Variants in ZNF33B observed in about 807,000 individuals in gnomAD.
ZNF33B encodes the protein zinc finger protein 11b (KOX 2).
ZNF33B carries 29 observed loss-of-function variants against 45.8 expected under a neutral mutation model. That is an observed-to-expected ratio of 0.63 (90% CI 0.47 to 0.86). The LOEUF (loss-of-function observed/expected upper bound fraction) is 0.86. ZNF33B is among the 40% of genes least tolerant of loss of function. ZNF33B has a pLI of 0.00. For synonymous variants in ZNF33B, 305 were observed against 307.8 expected (o/e 0.99, Z 0.10); for missense variants, 831 against 909.9 (o/e 0.91, Z 1.12).
intron 4 of ZNF33B, among the ~76,000 whole-genome samples, chr10:42,605,639 A>C (rs941475686): frequency 6.6e-6 from 1 of 152,242 alleles, no homozygotes; most frequent in Non-Finnish European, 1.5e-5. Context: ...CAAACACTAG[A>C]TCAAATCCAC....
chr10:42,600,991 G>A lies in ZNF33B; in HGVS notation c.251-6292C>T, dbSNP rs1284331745. ...TGTCTTGTGATGCAGGTCTGCTGGA[G>A]AGGAAATCTTTCAGCTTTGTTTAAC... is the stretch of plus-strand genomic sequence containing the variant. On this transcript the variant is annotated intron_variant, in intron 4 of 4. Coordinates refer to ENST00000359467, the MANE Select transcript of ZNF33B (RefSeq NM_006955.3). Among the ~76,000 whole-genome samples the A allele has an allele frequency of 2.6e-5, 4 of 152,312 alleles. No homozygotes were observed. The South Asian group carries it at 8.3e-4, about 32-fold the overall frequency.
chr10:42,606,022 CAGG>C (rs1311040593), intron 4 of ZNF33B, among the ~76,000 whole-genome samples: 1 of 151,810 alleles, frequency 6.6e-6, no homozygotes, highest in Non-Finnish European at 1.5e-5. Flanking sequence ...TGTTTGAGTC[CAGG>C]AGGTTGAGGC....
chr10:42,627,008 C>CTTTTTTT (rs111639981), intron 4 of ZNF33B, among the ~76,000 whole-genome samples: 2,233 of 145,358 alleles, frequency 0.015, 67 homozygotes, highest in African/African-American at 0.053. Context: ...TGTCATTTTT[C>CTTTTTTT]TTTTTTTTTT....
chr10:42,580,348 C>A (rs1375843819), intron 1 of ZNF33B, among the ~76,000 whole-genome samples: 1 of 152,110 alleles, frequency 6.6e-6, no homozygotes, highest in African/African-American at 2.4e-5. Flanking sequence ...TCAAGCCATT[C>A]TCATCCCCTA....
chr10:42,594,415 T>G lies in ZNF33B; in HGVS notation c.535A>C (p.Asn179His), dbSNP rs757963758. 3 of 1,613,628 alleles carry G rather than the reference T, an allele frequency of 1.9e-6. No homozygotes were observed. Among genetic ancestry groups the G allele is most frequent in the Non-Finnish European group, 2.5e-6 (3 of 1,179,814 alleles). ...EFNACGKLLL[N>H]IKHDETHTRE... ...GTATGAGTTTCATCATGCTTAATAT[T>G]GAGTAACAATTTCCCACATGCATTA... Residue 179 changes from asparagine to histidine, a missense_variant, in exon 5 of 5, where the codon AAT (asparagine) becomes CAT (histidine). Asn to His is a moderately conservative substitution (Grantham distance 68). Transcript: ENST00000359467.
chr10:42,638,317 G>C (rs1286022047), intron 1 of ZNF33B, among the ~76,000 whole-genome samples, 157 bp downstream of exon 1: 1 of 152,282 alleles, frequency 6.6e-6, no homozygotes, highest in South Asian at 2.1e-4. Context: ...AGGAACTGGC[G>C]TAGCGTCCTG....
chr10:42,612,799 C>T (rs1201154744), intron 4 of ZNF33B, among the ~76,000 whole-genome samples: 1 of 152,144 alleles, frequency 6.6e-6, no homozygotes, highest in African/African-American at 2.4e-5. Context: ...TTAAATATTG[C>T]ACAGAAATCA....
chr10:42,619,783 AG>A (rs1439356442), intron 4 of ZNF33B, among the ~76,000 whole-genome samples: 3 of 152,328 alleles, frequency 2.0e-5, no homozygotes, highest in African/African-American at 4.8e-5. Context: ...TGAAGTTATG[AG>A]GGAATCAATT....
chr10:42,635,741 C>T (rs1839267757), intron 2 of ZNF33B, among the ~76,000 whole-genome samples: 1 of 147,432 alleles, frequency 6.8e-6, no homozygotes, highest in Admixed American at 6.9e-5. Flanking sequence ...ACCAGGGAAT[C>T]GGAGGTTGCA....
At chr10:42,610,861 G>A (rs1229792836) in intron 4 of ZNF33B, among the ~76,000 whole-genome samples, 3 of 152,116 alleles carry the variant, frequency 2.0e-5, no homozygotes, top group Non-Finnish European at 4.4e-5. Context: ...TCTTTAAAAA[G>A]AAGTAGAAAG....
intron 1 of ZNF33B, among the ~76,000 whole-genome samples, chr10:42,576,363 A>C (rs1352522022): frequency 6.6e-6 from 1 of 152,224 alleles, no homozygotes; most frequent in African/African-American, 2.4e-5. Flanking sequence ...AATATCAATA[A>C]AAATATGCAG....
intron 4 of ZNF33B, among the ~76,000 whole-genome samples, chr10:42,627,008 C>CT (rs111639981): frequency 0.077 from 11,115 of 145,282 alleles, 744 homozygotes; most frequent in African/African-American, 0.17. Context: ...TGTCATTTTT[C>CT]TTTTTTTTTT....
At chr10:42,614,512 A>T (rs1838231514) in intron 4 of ZNF33B, among the ~76,000 whole-genome samples, 1 of 152,268 alleles carries the variant, frequency 6.6e-6, no homozygotes, top group Non-Finnish European at 1.5e-5. Context: ...TGTTGCAAAC[A>T]TACCACCCTA....
chr10:42,617,296 G>T (rs2132114967), intron 4 of ZNF33B, among the ~76,000 whole-genome samples: 1 of 151,402 alleles, frequency 6.6e-6, no homozygotes, highest in East Asian at 2.0e-4. Flanking sequence ...TAGAGATGGG[G>T]TTTCACCATG....
intron 4 of ZNF33B, among the ~76,000 whole-genome samples, chr10:42,607,248 A>G (rs1329000512): frequency 1.3e-5 from 2 of 152,184 alleles, no homozygotes; most frequent in Non-Finnish European, 2.9e-5. Flanking sequence ...GTTCTAGAGC[A>G]ACCACTAGGT....
In ZNF33B at chr10:42,632,288, A is replaced by G. The variant is rs765290482; in HGVS notation, c.154+7T>C. ...CTATTTAGAATGATACAGTGAACAG[A>G]CCTTACCCACTGAGACAAGGTTGCT... On this transcript the variant is annotated splice_region_variant and intron_variant, in intron 3 of 4. Coordinates refer to ENST00000359467, the MANE Select transcript of ZNF33B (RefSeq NM_006955.3). 6.9e-6 allele frequency: 11 copies of G among 1,598,576 alleles called. No homozygotes were observed. In the Admixed American group the frequency reaches 1.3e-4, roughly 18 times the overall value.
At position 42,592,411 on chromosome 10, in the gene ZNF33B, C is replaced by A; in HGVS notation, c.*202G>T. 2.6e-6 allele frequency: 2 copies of A among 771,746 alleles called. No individual in the cohort carries two copies. Among genetic ancestry groups the A allele is most frequent in the South Asian group, 5.3e-5 (2 of 37,904 alleles). 47.8% of individuals were successfully genotyped at this position (771,746 alleles called of 1,614,324 possible). On this transcript the variant is annotated 3_prime_UTR_variant, in exon 5 of 5. Coordinates refer to ENST00000359467, the MANE Select transcript of ZNF33B (RefSeq NM_006955.3). ...CCAGTATTAACCATCTGATATTCAA[C>A]AGAATATCACTTCCTAACAAAAGCC...
chr10:42,584,974 G>A (rs559864967), downstream of ZNF33B, among the ~76,000 whole-genome samples: 10 of 152,308 alleles, frequency 6.6e-5, no homozygotes, highest in East Asian at 3.9e-4. Context: ...CTAGGGCTTC[G>A]GGTTTAGGAG....
At chr10:42,638,241 C>A (rs1839427721) in intron 1 of ZNF33B, among the ~76,000 whole-genome samples, 1 of 152,280 alleles carries the variant, frequency 6.6e-6, no homozygotes, top group South Asian at 2.1e-4. Flanking sequence ...ATGCCCTCCT[C>A]CGCGGCCCCT....
Sources: gnomAD v4.1 joint callset for allele counts (sites outside exome capture counted in the v4.1 genomes callset) on GRCh38, gnomAD v4.1.1 for gene constraint, MANE v1.5 for transcripts, NCBI Gene and HGNC (gene_info 2026-07-23, HGNC 2026-07-21) for gene names.